Variants in RBM33 observed in about 807,000 individuals in gnomAD.
The protein encoded by RBM33 is RNA binding motif protein 33, also known as RNA-binding protein 33.
RBM33 carries 28 observed loss-of-function variants against 132.6 expected under a neutral mutation model. The observed-to-expected ratio is 0.21, with a 90% confidence interval of 0.16 to 0.29. The LOEUF (loss-of-function observed/expected upper bound fraction) is 0.29, where lower values mean the gene tolerates loss of function less well. RBM33 is among the 10% of genes least tolerant of loss of function. RBM33 has a pLI of 1.00. For missense variants in RBM33, 1,291 were observed against 1,518.5 expected, an observed-to-expected ratio of 0.85 and a Z score of 2.49; for synonymous variants, 634 against 593.0, an observed-to-expected ratio of 1.07 and a Z score of -1.01.
intron 5 of RBM33, chr7:155,685,163 G>A (rs1398269826): frequency 8.9e-7 from 1 of 1,125,440 alleles, no homozygotes; most frequent in African/African-American, 1.6e-5. Context: ...TTTGAACTGT[G>A]AGTGTATAGT....
rs1056439385 is a variant in RBM33 at position 155,689,409 on chromosome 7, T to C, written c.567+8501T>C. On this transcript the variant is annotated intron_variant, in intron 5 of 17. Transcript: ENST00000401878. Reference sequence around the variant, plus strand: ...TAGCAGTCTATCAATTTTGTTGATCTTTTCAAAAAACCAGCTCCTGGATTC... The same window carrying C: ...TAGCAGTCTATCAATTTTGTTGATCCTTTCAAAAAACCAGCTCCTGGATTC... 2.2e-4 allele frequency among the ~76,000 whole-genome samples: 34 copies of C among 152,150 alleles called. 1 individual carries two copies. Among genetic ancestry groups the C allele is most frequent in the Admixed American group, 1.6e-3 (25 of 15,280 alleles).
rs866048585 is a variant in RBM33 at position 155,766,569 on chromosome 7, C to T, written c.3289C>T (p.Pro1097Ser). The T allele has an allele frequency of 6.2e-7, 1 of 1,613,384 alleles. No individual in the cohort carries two copies. Among genetic ancestry groups the T allele is most frequent in the Admixed American group, 1.7e-5 (1 of 59,948 alleles). The change falls in exon 16 of 18, where the codon CCC becomes TCC. Residue 1097 changes from proline to serine, a missense_variant. Around this residue, in one of 7 missense-constraint regions of RBM33, gnomAD observed 55 missense variants for 101.4 expected, o/e 0.54. Transcript: ENST00000401878. ...GCGGGTGGTGGAGTGCAAGCCCCAG[C>T]CCTGCGTGGTGTCTGTGGAGGGGCT... ...NLRVVECKPQ[P>S]CVVSVEGLSS...
chr7:155,680,623 A>C lies in RBM33; in HGVS notation c.282A>C (p.Thr94=). Residue 94 remains threonine, a synonymous_variant, in exon 5 of 18, where the codon ACA becomes ACC. Transcript: ENST00000401878. ...SQGVTISLNA[T]SGMVTSFELS... ...GTGTTACAATTAGTCTGAATGCTAC[A>C]TCTGGCATGGTTACATCATTTGAAC... 6.2e-7 allele frequency: 1 copy of C among 1,605,176 alleles called. No individual in the cohort carries two copies. Among genetic ancestry groups the C allele is most frequent in the Non-Finnish European group, 8.5e-7 (1 of 1,176,736 alleles).
At chr7:155,672,793 A>G in intron 2 of RBM33, 74 bp from the exon 3 acceptor site, 2 of 1,082,854 alleles carry the variant, frequency 1.8e-6, no homozygotes, top group Middle Eastern at 2.2e-4. Flanking sequence ...GTTCTTGGTA[A>G]ATTTCCAAGT....
intron 7 of RBM33, among the ~76,000 whole-genome samples, chr7:155,708,454 C>T (rs1454515070): frequency 1.3e-5 from 2 of 152,176 alleles, no homozygotes; most frequent in Admixed American, 6.5e-5. Flanking sequence ...CCAGTGTTTA[C>T]GTAATTGTGT....
rs2117091143 is a variant in RBM33, at chr7:155,776,051, G to A, written c.*1010G>A. On this transcript the variant is annotated 3_prime_UTR_variant, in exon 18 of 18. Coordinates refer to ENST00000401878, the MANE Select transcript of RBM33 (RefSeq NM_053043.3). The surrounding 1 kb of genome is among the most constrained non-coding windows in gnomAD (Gnocchi z 4.0). Reference sequence around the variant, plus strand: ...CGTTCCCCGTGGCATGCGGGGTGAGGGTGGCTTTCTTCCAGCCCCAAATGA... The same window carrying A: ...CGTTCCCCGTGGCATGCGGGGTGAGAGTGGCTTTCTTCCAGCCCCAAATGA... 2 of 152,388 alleles carry A rather than the reference G, an allele frequency of 1.3e-5. 1 individual carries two copies. Among genetic ancestry groups the A allele is most frequent in the South Asian group, 4.1e-4 (2 of 4,822 alleles). 9.4% of individuals were successfully genotyped at this position (152,388 alleles called of 1,614,324 possible).
intron 11 of RBM33, 80 bp from the exon 12 acceptor site, chr7:155,739,634 GT>G (rs1403133838): frequency 3.5e-6 from 5 of 1,426,146 alleles, no homozygotes; most frequent in Middle Eastern, 1.8e-4. Context: ...TTGTGTTGAG[GT>G]TTTTTAGGAA....
intron 2 of RBM33, among the ~76,000 whole-genome samples, chr7:155,670,057 T>G (rs1798905148): frequency 6.6e-6 from 1 of 152,222 alleles, no homozygotes; most frequent in Admixed American, 6.5e-5. Context: ...ACTTCTGGTT[T>G]TGAAAGGCTG....
rs1801504187 is a variant in RBM33 at position 155,745,986 on chromosome 7, T to G, written c.2979+384T>G. 6.6e-6 allele frequency among the ~76,000 whole-genome samples: 1 copy of G among 152,172 alleles called. No homozygotes were observed. Among genetic ancestry groups the G allele is most frequent in the Admixed American group, 6.5e-5 (1 of 15,280 alleles). Reference sequence around the variant, plus strand: ...GAGTAGTTGTGTGTCGAAATGTATCTTAGTGAAGGTACAGTAAAAATACAG... The same window carrying G: ...GAGTAGTTGTGTGTCGAAATGTATCGTAGTGAAGGTACAGTAAAAATACAG... On this transcript the variant is annotated intron_variant, in intron 14 of 17. Coordinates refer to ENST00000401878, the MANE Select transcript of RBM33 (RefSeq NM_053043.3). The surrounding 1 kb of genome is among the most constrained non-coding windows in gnomAD (Gnocchi z 4.1).
At chr7:155,671,264 G>A (rs1488502382) in intron 2 of RBM33, among the ~76,000 whole-genome samples, 10 of 152,196 alleles carry the variant, frequency 6.6e-5, no homozygotes. Flanking sequence ...GTTGGAAGAA[G>A]CTATATGTTA....
At chr7:155,704,136 A>T (rs1164662866) in intron 6 of RBM33, among the ~76,000 whole-genome samples, 1 of 152,188 alleles carries the variant, frequency 6.6e-6, no homozygotes, top group Non-Finnish European at 1.5e-5. Flanking sequence ...TCTCTGTGAA[A>T]AACATTCATA....
intron 14 of RBM33, among the ~76,000 whole-genome samples, chr7:155,752,680 G>T (rs1234121132): frequency 4.6e-5 from 7 of 152,134 alleles, no homozygotes; most frequent in Admixed American, 3.3e-4. Flanking sequence ...AGAACCACTG[G>T]TCTAAGAACC....
At chr7:155,715,698 A>G (rs923822444) in intron 8 of RBM33, among the ~76,000 whole-genome samples, 1 of 152,214 alleles carries the variant, frequency 6.6e-6, no homozygotes, top group Admixed American at 6.5e-5. Flanking sequence ...GAGAAGGACA[A>G]AGTGTTCTTG....
At chr7:155,684,385 C>T (rs1043748453) in intron 5 of RBM33, among the ~76,000 whole-genome samples, 2 of 152,186 alleles carry the variant, frequency 1.3e-5, no homozygotes. Context: ...TGCTTTCTTC[C>T]ATCTACCCAG....
intron 9 of RBM33, among the ~76,000 whole-genome samples, chr7:155,720,023 TA>T (rs1425286054): frequency 6.6e-6 from 1 of 152,028 alleles, no homozygotes; most frequent in African/African-American, 2.4e-5. Flanking sequence ...AAGAGGATAA[TA>T]AAAGAACATT....
chr7:155,752,582 G>A (rs953662693), intron 14 of RBM33, among the ~76,000 whole-genome samples: 1 of 152,156 alleles, frequency 6.6e-6, no homozygotes. Flanking sequence ...GTTGATACAT[G>A]GAAAGGCATG....
intron 1 of RBM33, among the ~76,000 whole-genome samples, chr7:155,657,140 T>A (rs1798514649): frequency 6.6e-6 from 1 of 152,234 alleles, no homozygotes; most frequent in Admixed American, 6.5e-5. Flanking sequence ...CCACTTTCCT[T>A]AGTATTTTAT....
rs926942004 is a variant in RBM33, at chr7:155,703,947, C to CT, written c.740-2903dup. 3.5e-4 allele frequency among the ~76,000 whole-genome samples: 53 copies of CT among 149,402 alleles called. 1 individual carries two copies. The Middle Eastern group carries it at 0.01, about 29-fold the overall frequency. On this transcript the variant is annotated intron_variant, in intron 6 of 17. Transcript: ENST00000401878. Reference sequence around the variant, plus strand: ...TACCTGTTGTCTTATATGAGGTGTACTTTTTTTTTTGTTTTCGCTGATATT... The same window carrying CT: ...TACCTGTTGTCTTATATGAGGTGTACTTTTTTTTTTTGTTTTCGCTGATATT...
At chr7:155,663,088 T>G (rs959610422) in intron 1 of RBM33, among the ~76,000 whole-genome samples, 11 of 152,206 alleles carry the variant, frequency 7.2e-5, no homozygotes, top group Non-Finnish European at 1.2e-4. Context: ...TAAAACAGTT[T>G]TCACCAGGCT....
Sources: allele counts gnomAD v4.1 joint callset (sites outside exome capture counted in the v4.1 genomes callset), GRCh38; gene constraint gnomAD v4.1.1; regional missense constraint gnomAD v4.1.1; non-coding constraint Gnocchi (gnomAD v3.1); transcripts MANE v1.5; gene names NCBI Gene and HGNC (gene_info 2026-07-23, HGNC 2026-07-21).